MAPKAPK2: variants seen among roughly 807,000 people sequenced by gnomAD.
The protein encoded by MAPKAPK2 is MAPK activated protein kinase 2, also known as MAP kinase-activated protein kinase 2.
A neutral mutation model predicts 48.8 loss-of-function variants in MAPKAPK2; 9 were observed. The ratio of observed to expected loss-of-function variants is 0.18; its 90% CI spans 0.11 to 0.32. The LOEUF (loss-of-function observed/expected upper bound fraction) is 0.32. MAPKAPK2 is among the 10% of genes least tolerant of loss of function. The pLI, the probability that MAPKAPK2 is intolerant of heterozygous loss-of-function variation, is 1.00. For missense variants in MAPKAPK2, 331 were observed against 498.3 expected, an observed-to-expected ratio of 0.66 and a Z score of 3.20; for synonymous variants, 202 against 190.6, an observed-to-expected ratio of 1.06 and a Z score of -0.49.
chr1:206,719,976 A>G (rs1673463203), intron 1 of MAPKAPK2, among the ~76,000 whole-genome samples: 1 of 152,176 alleles, frequency 6.6e-6, no homozygotes, highest in Non-Finnish European at 1.5e-5. Context: ...CATGTTCTCT[A>G]TTATACCCTT....
chr1:206,731,353 C>A lies in MAPKAPK2; in HGVS notation c.892+91C>A. The A allele has an allele frequency of 1.9e-6, 3 of 1,575,006 alleles. No individual in the cohort carries two copies. The highest frequency in any genetic ancestry group is 2.6e-6 in the Non-Finnish European group (3 of 1,158,876). On this transcript the variant is annotated intron_variant, in intron 7 of 9. Transcript: ENST00000367103. This position sits in a 1 kb window ranked among gnomAD's most constrained non-coding sequence, Gnocchi z 5.9. ...ACACGCAGACACATGTATGGGCCTC[C>A]ATCTCATGTGCGTGGTGTAACTGTG...
At position 206,697,519 on chromosome 1, in the gene MAPKAPK2, G is replaced by A. The variant is rs191652205; in HGVS notation, c.279+12011G>A. 9.9e-4 allele frequency among the ~76,000 whole-genome samples: 150 copies of A among 152,020 alleles called. 1 individual carries two copies. Among genetic ancestry groups the A allele is most frequent in the African/African-American group, 3.5e-3 (147 of 41,452 alleles). ...AGGGGGAGCAGGCATGTCACATGTC[G>A]AGAAGAGGGAGCATGGGGGTGGGGG... On this transcript the variant is annotated intron_variant, in intron 1 of 9. Transcript: ENST00000367103.
chr1:206,689,618 C>A (rs1472340272), intron 1 of MAPKAPK2, among the ~76,000 whole-genome samples: 2 of 152,050 alleles, frequency 1.3e-5, no homozygotes, highest in East Asian at 3.9e-4. Context: ...TAAAAAATGG[C>A]CTGTAAAATT....
At chr1:206,726,297 G>C (rs532645800) in intron 1 of MAPKAPK2, among the ~76,000 whole-genome samples, 1 of 152,386 alleles carries the variant, frequency 6.6e-6, no homozygotes, top group Non-Finnish European at 1.5e-5. Flanking sequence ...TGAAGTGGGA[G>C]AATTGTTTGA....
At chr1:206,724,097 G>A (rs1673632107) in intron 1 of MAPKAPK2, among the ~76,000 whole-genome samples, 1 of 152,172 alleles carries the variant, frequency 6.6e-6, no homozygotes, top group South Asian at 2.1e-4. Context: ...CTTTTTAGTG[G>A]GAAGACCCTT....
chr1:206,710,033 A>G (rs1673089157), intron 1 of MAPKAPK2, among the ~76,000 whole-genome samples: 1 of 152,190 alleles, frequency 6.6e-6, no homozygotes, highest in African/African-American at 2.4e-5. Flanking sequence ...AAAGGTAATC[A>G]CTGCCAGCTC....
intron 1 of MAPKAPK2, among the ~76,000 whole-genome samples, chr1:206,702,071 G>A (rs184566092): frequency 6.6e-6 from 1 of 152,198 alleles, no homozygotes; most frequent in Non-Finnish European, 1.5e-5. Flanking sequence ...TAATTATCTG[G>A]GTTTGGCAAC....
chr1:206,717,597 C>A, intron 1 of MAPKAPK2, among the ~76,000 whole-genome samples: 1 of 152,140 alleles, frequency 6.6e-6, no homozygotes, highest in East Asian at 1.9e-4. Context: ...AGATGCCAGG[C>A]CTGGTCAAGT....
chr1:206,696,079 G>A (rs1344458514), intron 1 of MAPKAPK2: 1 of 1,121,468 alleles, frequency 8.9e-7, no homozygotes, highest in Non-Finnish European at 1.4e-6. Context: ...CATCTCACCT[G>A]CCTTCACCTT....
At chr1:206,686,414 G>A (rs566718734) in intron 1 of MAPKAPK2, among the ~76,000 whole-genome samples, 67 of 152,290 alleles carry the variant, frequency 4.4e-4, no homozygotes, top group Middle Eastern at 3.4e-3. Flanking sequence ...TGAGAATATC[G>A]ACTTCAGAAG....
At chr1:206,700,003 CTTTTTTT>C (rs574216957) in intron 1 of MAPKAPK2, among the ~76,000 whole-genome samples, 13 of 126,326 alleles carry the variant, frequency 1.0e-4, no homozygotes, top group Non-Finnish European at 8.5e-5. Context: ...CTTCTTCTTA[CTTTTTTT>C]TTTTTTTTTT....
chr1:206,708,275 C>G (rs1221958466), intron 1 of MAPKAPK2, among the ~76,000 whole-genome samples: 1 of 152,230 alleles, frequency 6.6e-6, no homozygotes, highest in Non-Finnish European at 1.5e-5. Flanking sequence ...CTGTGACCTC[C>G]CAGCCACCTC....
Position 206,732,773 on chromosome 1 carries a change from T to C in MAPKAPK2, c.*55T>C, listed in dbSNP as rs1380202227. 2 of 1,595,020 alleles carry C rather than the reference T, an allele frequency of 1.3e-6. No homozygotes were observed. Among genetic ancestry groups the C allele is most frequent in the East Asian group, 2.2e-5 (1 of 44,614 alleles). On this transcript the variant is annotated 3_prime_UTR_variant, in exon 10 of 10. Coordinates refer to ENST00000367103, the MANE Select transcript of MAPKAPK2 (RefSeq NM_032960.4). The surrounding 1 kb of genome is among the most constrained non-coding windows in gnomAD (Gnocchi z 4.4). ...CAAGCAATAACTCTCTACAGGAATA[T>C]ATTTTTTAAACGAAGAGACAGAACT...
At chr1:206,691,504 T>TATATATATATATATATAC (rs1424297313) in intron 1 of MAPKAPK2, among the ~76,000 whole-genome samples, 5,957 of 111,342 alleles carry the variant, frequency 0.054, 425 homozygotes, top group Non-Finnish European at 0.089. Flanking sequence ...TATATATATA[T>TATATATATATATATATAC]ACACACATAC....
intron 1 of MAPKAPK2, among the ~76,000 whole-genome samples, chr1:206,715,923 A>C (rs1673313043): frequency 2.0e-5 from 3 of 151,484 alleles, no homozygotes; most frequent in Admixed American, 2.0e-4. Context: ...AAGTGCTGGG[A>C]TTTCAGTGTG....
Position 206,732,567 on chromosome 1 carries a change from G to A in MAPKAPK2, c.1060-8G>A, listed in dbSNP as rs550900907. 2.5e-5 allele frequency: 40 copies of A among 1,613,482 alleles called. No homozygotes were observed. Among genetic ancestry groups the A allele is most frequent in the Non-Finnish European group, 3.3e-5 (39 of 1,179,932 alleles). Reference sequence around the variant, plus strand: ...TCTGTACCCTTCCTGGTGCTGCCGTGCCCCCAGGAGGAGATGACCAGTGCC... The same window carrying A: ...TCTGTACCCTTCCTGGTGCTGCCGTACCCCCAGGAGGAGATGACCAGTGCC... On this transcript the variant is annotated splice_polypyrimidine_tract_variant and splice_region_variant and intron_variant, in intron 9 of 9. Coordinates refer to ENST00000367103, the MANE Select transcript of MAPKAPK2 (RefSeq NM_032960.4). This position sits in a 1 kb window ranked among gnomAD's most constrained non-coding sequence, Gnocchi z 4.4.
chr1:206,710,995 T>G (rs1010840151), intron 1 of MAPKAPK2, among the ~76,000 whole-genome samples: 3 of 152,260 alleles, frequency 2.0e-5, no homozygotes, highest in African/African-American at 4.8e-5. Context: ...TTTAATGTTT[T>G]GACCGAAATT....
chr1:206,685,718 C>G (rs1553425498), intron 1 of MAPKAPK2, among the ~76,000 whole-genome samples: 3 of 150,528 alleles, frequency 2.0e-5, no homozygotes, highest in African/African-American at 4.9e-5. Context: ...CGGCCGCTCC[C>G]GGGCGGGAGC....
At chr1:206,700,025 A>G (rs1672750269) in intron 1 of MAPKAPK2, among the ~76,000 whole-genome samples, 1 of 137,910 alleles carries the variant, frequency 7.3e-6, no homozygotes, top group Admixed American at 7.5e-5. Context: ...TTTTTTTTAA[A>G]TAAAGAAAGA....
Sources: allele counts gnomAD v4.1 joint callset (sites outside exome capture counted in the v4.1 genomes callset), GRCh38; gene constraint gnomAD v4.1.1; non-coding constraint Gnocchi (gnomAD v3.1); transcripts MANE v1.5; gene names NCBI Gene and HGNC (gene_info 2026-07-23, HGNC 2026-07-21).